ABCC5: variants seen among roughly 807,000 people sequenced by gnomAD.
The protein encoded by ABCC5 is ATP binding cassette subfamily C member 5.
A neutral mutation model predicts 160.9 loss-of-function variants in ABCC5; 61 were observed. The ratio of observed to expected loss-of-function variants is 0.38; its 90% CI spans 0.31 to 0.47. The LOEUF (loss-of-function observed/expected upper bound fraction) is 0.47, where lower values mean the gene tolerates loss of function less well. Ranked by LOEUF, ABCC5 falls within the 20% of genes least tolerant of loss-of-function variation. ABCC5 has a pLI of 0.99. For synonymous variants in ABCC5, 666 were observed against 700.6 expected, an observed-to-expected ratio of 0.95 and a Z score of 0.78; for missense variants, 1,308 against 1,813.3, an observed-to-expected ratio of 0.72 and a Z score of 5.06.
At chr3:183,985,368 T>A (rs752414783) in intron 5 of ABCC5, 1 of 1,613,956 alleles carries the variant, frequency 6.2e-7, no homozygotes, top group Non-Finnish European at 8.5e-7. Context: ...AATACAGCCA[T>A]CCTGAAAATT....
intron 2 of ABCC5, among the ~76,000 whole-genome samples, chr3:183,990,341 G>A (rs570905514): frequency 9.9e-5 from 15 of 151,962 alleles, no homozygotes; most frequent in African/African-American, 1.2e-4. Flanking sequence ...TCTTGACCTC[G>A]TGATCCGCCC....
Position 183,938,066 on chromosome 3 carries a change from G to A in ABCC5, c.3695-6C>T, listed in dbSNP as rs188117863. 1.1e-5 allele frequency: 18 copies of A among 1,613,626 alleles called. No homozygotes were observed. The East Asian group carries it at 4.0e-4, about 36-fold the overall frequency. ...CATCCCCAGCGAGGACTTCCCTGAT[G>A]AGTCAGAAGACATGCAAGAGAGGAG... On this transcript the variant is annotated splice_region_variant and splice_polypyrimidine_tract_variant and intron_variant, in intron 25 of 29. Coordinates refer to ENST00000334444, the MANE Select transcript of ABCC5 (RefSeq NM_005688.4).
intron 17 of ABCC5, among the ~76,000 whole-genome samples, chr3:183,956,599 C>A (rs1477190574): frequency 1.3e-4 from 20 of 149,434 alleles, no homozygotes; most frequent in African/African-American, 4.2e-4. Flanking sequence ...CATGCAGATC[C>A]GTGTGTATAT....
intron 2 of ABCC5, among the ~76,000 whole-genome samples, chr3:184,008,634 C>T (rs1388201576): frequency 1.3e-5 from 2 of 152,174 alleles, no homozygotes; most frequent in African/African-American, 2.4e-5. Context: ...TCTAAGCATA[C>T]GTGAGAAATT....
rs1358323805 is a variant in ABCC5 at position 183,987,968 on chromosome 3, AC to A, written c.444-52del. On this transcript the variant is annotated intron_variant, in intron 4 of 29. Transcript: ENST00000334444. This position sits in a 1 kb window ranked among gnomAD's most constrained non-coding sequence, Gnocchi z 4.2. ...ACACATCTCCTCGGGGGAAAGGCAC[AC>A]CTAGCTCCCCGCCTGCCACCACTTT... The A allele has an allele frequency of 1.3e-6, 2 of 1,590,208 alleles. No homozygotes were observed. Among genetic ancestry groups the A allele is most frequent in the Admixed American group, 1.7e-5 (1 of 59,306 alleles).
At chr3:183,974,977 A>C (rs1175145212) in intron 10 of ABCC5, among the ~76,000 whole-genome samples, 1 of 152,236 alleles carries the variant, frequency 6.6e-6, no homozygotes, top group Non-Finnish European at 1.5e-5. Context: ...AACAAGACAC[A>C]GGGTGAAAAG....
intron 23 of ABCC5, among the ~76,000 whole-genome samples, chr3:183,946,248 A>G (rs1319350466): frequency 6.6e-6 from 1 of 152,218 alleles, no homozygotes; most frequent in Non-Finnish European, 1.5e-5. Flanking sequence ...TCCTACTTGT[A>G]TCTGAGCCTG....
chr3:183,999,046 C>T (rs1435596158), intron 2 of ABCC5, among the ~76,000 whole-genome samples: 2 of 150,422 alleles, frequency 1.3e-5, no homozygotes, highest in Non-Finnish European at 3.0e-5. Context: ...GCTGAGATCG[C>T]GCCACTGAAC....
At chr3:183,928,465 A>T (rs185387836) in intron 27 of ABCC5, among the ~76,000 whole-genome samples, 328 of 152,322 alleles carry the variant, frequency 2.2e-3, no homozygotes, top group Non-Finnish European at 3.9e-3. Context: ...TTACACTGTT[A>T]TGACTAATAA....
At chr3:183,926,692 C>A (rs1712601458) in intron 28 of ABCC5, among the ~76,000 whole-genome samples, 2 of 152,132 alleles carry the variant, frequency 1.3e-5, no homozygotes, top group Admixed American at 1.3e-4. Flanking sequence ...AAAGGACATT[C>A]TTTTCCTGTT....
At chr3:183,957,624 A>C (rs868311833) in intron 17 of ABCC5, among the ~76,000 whole-genome samples, 5 of 74,524 alleles carry the variant, frequency 6.7e-5, no homozygotes, top group Admixed American at 1.3e-4. Flanking sequence ...ATGCAGATCC[A>C]TGTGTAAATC....
At chr3:184,013,755 A>C (rs1721952901) in intron 2 of ABCC5, among the ~76,000 whole-genome samples, 1 of 152,248 alleles carries the variant, frequency 6.6e-6, no homozygotes, top group Admixed American at 6.5e-5. Context: ...GAGAATGCTC[A>C]GAACAGACCG....
chr3:183,933,858 C>T lies in ABCC5; in HGVS notation c.3854+4043G>A, dbSNP rs533549761. On this transcript the variant is annotated intron_variant, in intron 26 of 29. Transcript: ENST00000334444. ...TCAAGTTTTAATTGTTTACAGGTAT[C>T]TCAAGAAGAGGTACCCACCCTCAAT... 2.0e-5 allele frequency among the ~76,000 whole-genome samples: 3 copies of T among 152,288 alleles called. No homozygotes were observed. The South Asian group carries it at 6.2e-4, about 32-fold the overall frequency.
chr3:184,004,496 G>A (rs1721009309), intron 2 of ABCC5, among the ~76,000 whole-genome samples: 2 of 114,574 alleles, frequency 1.7e-5, no homozygotes, highest in African/African-American at 3.7e-5. Flanking sequence ...GGGTGACAGA[G>A]ACTCCGTCTC....
chr3:184,014,538 A>G (rs1722032549), intron 1 of ABCC5, 91 bp from the exon 2 acceptor site: 1 of 799,598 alleles, frequency 1.3e-6, no homozygotes, highest in Admixed American at 4.0e-5. Flanking sequence ...AAAAAAAAAA[A>G]AAGGCAAAAG....
chr3:183,969,430 C>T (rs148557168), intron 11 of ABCC5, among the ~76,000 whole-genome samples: 3 of 152,272 alleles, frequency 2.0e-5, no homozygotes, highest in Non-Finnish European at 2.9e-5. Flanking sequence ...CAGCAGCTCA[C>T]GCCTATAATC....
At position 183,989,235 on chromosome 3, in the gene ABCC5, G is replaced by A; in HGVS notation, c.278C>T (p.Thr93Ile). The A allele has an allele frequency of 1.3e-6, 2 of 1,598,016 alleles. No individual in the cohort carries two copies. Among genetic ancestry groups the A allele is most frequent in the Non-Finnish European group, 8.5e-7 (1 of 1,170,312 alleles). Reference protein sequence around the residue: ...HGLSALKPIRTTSKHQHPVDN... With the variant: ...HGLSALKPIRITSKHQHPVDN... ...CAGCACGGCATCTTACTTGGAAGTA[G>A]TCCGGATGGGCTTCAGAGCACTCAA... Residue 93 changes from threonine (T) to isoleucine (I), a missense_variant, in exon 3 of 30, where the codon ACT becomes ATT. This residue lies in a region of ABCC5 where 1,142 missense variants were observed against 1,527.1 expected (regional missense o/e 0.75). Transcript: ENST00000334444.
chr3:183,939,085 TC>T (rs1322193133), intron 25 of ABCC5, among the ~76,000 whole-genome samples: 6 of 152,358 alleles, frequency 3.9e-5, no homozygotes, highest in African/African-American at 1.4e-4. Flanking sequence ...TTTCGGTCTT[TC>T]CTCAGAGTTG....
At chr3:183,979,360 A>AG (rs200841500) in intron 8 of ABCC5, among the ~76,000 whole-genome samples, 10 of 150,188 alleles carry the variant, frequency 6.7e-5, no homozygotes, top group Non-Finnish European at 1.2e-4. Context: ...AAAAAAAAAA[A>AG]GGGGCAGTGG....
Sources: gnomAD v4.1 joint callset for allele counts (sites outside exome capture counted in the v4.1 genomes callset) on GRCh38, gnomAD v4.1.1 for gene constraint, gnomAD v4.1.1 regional missense constraint, Gnocchi (gnomAD v3.1) non-coding constraint, MANE v1.5 for transcripts, NCBI Gene and HGNC (gene_info 2026-07-23, HGNC 2026-07-21) for gene names.